Variants in POU6F2 observed in about 807,000 individuals in gnomAD.
POU6F2 encodes the protein POU domain, class 6, transcription factor 2.
POU6F2 carries 31 observed loss-of-function variants against 71.3 expected under a neutral mutation model. That is an observed-to-expected ratio of 0.43 (90% CI 0.33 to 0.59). The LOEUF is 0.59. Among genes scored for constraint, POU6F2 ranks in the 20% least tolerant of loss-of-function variants. The pLI is 0.04. For missense variants in POU6F2, 783 were observed against 856.8 expected, an observed-to-expected ratio of 0.91 and a Z score of 1.07; for synonymous variants, 347 against 355.7, an observed-to-expected ratio of 0.98 and a Z score of 0.27.
chr7:39,328,344 T>C (rs1229403323), intron 4 of POU6F2, among the ~76,000 whole-genome samples: 2 of 152,246 alleles, frequency 1.3e-5, no homozygotes, highest in Non-Finnish European at 2.9e-5. Flanking sequence ...CACTTGTTTT[T>C]CATGGAACAT....
In POU6F2 at chr7:39,012,841, G is replaced by T. The variant is rs1246815738; in HGVS notation, c.105+34783G>T. Among the ~76,000 whole-genome samples, 5 of 151,950 alleles carry T rather than the reference G, an allele frequency of 3.3e-5. No homozygotes were observed. In the South Asian group the frequency reaches 6.2e-4, roughly 19 times the overall value. Reference sequence around the variant, plus strand: ...TGCCTCCCAGTTAGGCTGCTCAGGGGTCAGGGGTCAGGGACCCACTTGAGG... The same window carrying T: ...TGCCTCCCAGTTAGGCTGCTCAGGGTTCAGGGGTCAGGGACCCACTTGAGG... On this transcript the variant is annotated intron_variant, in intron 1 of 9. Transcript: ENST00000518318.
intron 4 of POU6F2, among the ~76,000 whole-genome samples, chr7:39,301,091 G>A (rs1418543050): frequency 1.3e-5 from 2 of 152,196 alleles, no homozygotes; most frequent in Non-Finnish European, 2.9e-5. Flanking sequence ...TGGCTATCCA[G>A]AAGGCTATCC....
At chr7:39,209,322 T>C (rs2128746314) in intron 4 of POU6F2, among the ~76,000 whole-genome samples, 1 of 152,248 alleles carries the variant, frequency 6.6e-6, no homozygotes, top group South Asian at 2.1e-4. Context: ...AGTTCTTGCT[T>C]TTCTTATCCC....
At chr7:39,087,010 A>T (rs1791260892) in intron 2 of POU6F2, among the ~76,000 whole-genome samples, 1 of 151,702 alleles carries the variant, frequency 6.6e-6, no homozygotes, top group Non-Finnish European at 1.5e-5. Flanking sequence ...TGACATATAT[A>T]TATCAGGCAG....
chr7:39,384,331 T>C (rs1328928087), intron 5 of POU6F2, among the ~76,000 whole-genome samples: 3 of 152,196 alleles, frequency 2.0e-5, no homozygotes, highest in African/African-American at 7.2e-5. Flanking sequence ...CGGTGACAGA[T>C]GACCGTTAAA....
At chr7:39,000,592 A>G (rs550319903) in intron 1 of POU6F2, among the ~76,000 whole-genome samples, 8 of 151,528 alleles carry the variant, frequency 5.3e-5, no homozygotes, top group South Asian at 2.1e-4. Flanking sequence ...TGAGATATTA[A>G]TCTCTCATAT....
intron 5 of POU6F2, among the ~76,000 whole-genome samples, chr7:39,355,448 TA>T (rs1786236203): frequency 6.6e-6 from 1 of 152,154 alleles, no homozygotes; most frequent in African/African-American, 2.4e-5. Flanking sequence ...GCCTGAGATG[TA>T]AAATGTGTTT....
At chr7:39,224,414 C>G (rs2128748938) in intron 4 of POU6F2, among the ~76,000 whole-genome samples, 1 of 152,094 alleles carries the variant, frequency 6.6e-6, no homozygotes, top group African/African-American at 2.4e-5. Context: ...TATTGAAACC[C>G]CAAACTGCTC....
At chr7:38,981,516 T>C (rs1488284407) in intron 1 of POU6F2, among the ~76,000 whole-genome samples, 1 of 150,546 alleles carries the variant, frequency 6.6e-6, no homozygotes, top group African/African-American at 2.4e-5. Flanking sequence ...ATTAAATTAG[T>C]TGTTAATAAA....
intron 1 of POU6F2, among the ~76,000 whole-genome samples, chr7:39,025,604 T>C (rs1257173642): frequency 2.6e-5 from 4 of 151,926 alleles, no homozygotes; most frequent in African/African-American, 9.7e-5. Context: ...TAGTTCAAGA[T>C]GGATTAAAGA....
intron 2 of POU6F2, among the ~76,000 whole-genome samples, chr7:39,089,077 T>C (rs1451183556): frequency 6.6e-6 from 1 of 152,196 alleles, no homozygotes. Context: ...AGAAGCCATA[T>C]GCCAGCCTAA....
At chr7:39,405,501 G>A (rs1787403714) in intron 5 of POU6F2, among the ~76,000 whole-genome samples, 1 of 152,178 alleles carries the variant, frequency 6.6e-6, no homozygotes, top group African/African-American at 2.4e-5. Context: ...TTTCATGGAT[G>A]TGGGAACTGG....
At chr7:39,042,818 G>C (rs1267758615) in intron 1 of POU6F2, among the ~76,000 whole-genome samples, 1 of 151,214 alleles carries the variant, frequency 6.6e-6, no homozygotes. Context: ...GTTCTATGTG[G>C]CTGGCTAAGT....
At chr7:39,244,421 C>T (rs1020296819) in intron 4 of POU6F2, among the ~76,000 whole-genome samples, 1 of 152,152 alleles carries the variant, frequency 6.6e-6, no homozygotes, top group African/African-American at 2.4e-5. Context: ...GAATTTCTTT[C>T]TCTGAAACTG....
intron 4 of POU6F2, among the ~76,000 whole-genome samples, chr7:39,241,083 G>A (rs762003403): frequency 2.6e-5 from 4 of 151,994 alleles, no homozygotes; most frequent in Non-Finnish European, 5.9e-5. Context: ...TCCCTTCCCC[G>A]CAAGACTTCA....
At chr7:39,403,425 T>C (rs1469991895) in intron 5 of POU6F2, among the ~76,000 whole-genome samples, 2 of 152,202 alleles carry the variant, frequency 1.3e-5, no homozygotes, top group African/African-American at 4.8e-5. Context: ...TCTTTTAAGC[T>C]AGTCTGTTGA....
intron 2 of POU6F2, among the ~76,000 whole-genome samples, chr7:39,134,277 T>C (rs548241543): frequency 5.3e-5 from 8 of 152,282 alleles, no homozygotes; most frequent in Admixed American, 3.9e-4. Context: ...GTTTTTAGCA[T>C]ATATGAGAAT....
chr7:39,338,118 A>G lies in POU6F2; in HGVS notation c.599-1524A>G, dbSNP rs149933186. Among the ~76,000 whole-genome samples the G allele has an allele frequency of 3.2e-4, 49 of 152,322 alleles. 1 individual carries two copies. The East Asian group carries it at 9.1e-3, about 28-fold the overall frequency. On this transcript the variant is annotated intron_variant, in intron 4 of 9. Transcript: ENST00000518318. ...CCTGAAAGACATCAGGTTAGGTTCG[A>G]TTTGAATCAGGCAGGAGGCCAGATG...
chr7:39,332,286 C>T (rs1249360831), intron 4 of POU6F2, among the ~76,000 whole-genome samples: 1 of 152,170 alleles, frequency 6.6e-6, no homozygotes, highest in East Asian at 1.9e-4. Context: ...CAGCCTCTGC[C>T]CCTATGCTCT....
Sources: gnomAD v4.1 joint callset for allele counts (sites outside exome capture counted in the v4.1 genomes callset) on GRCh38, gnomAD v4.1.1 for gene constraint, MANE v1.5 for transcripts, NCBI Gene and HGNC (gene_info 2026-07-23, HGNC 2026-07-21) for gene names.